Variants in KCNIP4 observed in about 807,000 individuals in gnomAD.
The protein encoded by KCNIP4 is potassium voltage-gated channel interacting protein 4.
KCNIP4 carries 12 observed loss-of-function variants against 34.0 expected under a neutral mutation model. That is an observed-to-expected ratio of 0.35 (90% CI 0.23 to 0.57). The LOEUF is 0.57. KCNIP4 is among the 20% of genes least tolerant of loss of function. KCNIP4 has a pLI of 0.83. For missense variants in KCNIP4, 238 were observed against 311.7 expected (o/e 0.76, Z 1.78); for synonymous variants, 124 against 102.2 (o/e 1.21, Z -1.29).
At chr4:21,049,669 C>G (rs1048318306) in intron 1 of KCNIP4, among the ~76,000 whole-genome samples, 7 of 152,172 alleles carry the variant, frequency 4.6e-5, no homozygotes, top group Non-Finnish European at 8.8e-5. Context: ...CTCAGGACAC[C>G]TGATTACTTC....
At chr4:21,644,444 T>C (rs1033490827) in intron 1 of KCNIP4, among the ~76,000 whole-genome samples, 4 of 152,198 alleles carry the variant, frequency 2.6e-5, no homozygotes, top group Admixed American at 1.3e-4. Context: ...TAGATCCAAA[T>C]TGTAGACAAA....
intron 1 of KCNIP4, among the ~76,000 whole-genome samples, chr4:21,273,155 T>C (rs915532638): frequency 3.3e-5 from 5 of 152,138 alleles, no homozygotes; most frequent in Admixed American, 6.6e-5. Context: ...AATAAACATA[T>C]CCTTATCAAT....
chr4:21,057,120 T>A (rs183751749), intron 1 of KCNIP4, among the ~76,000 whole-genome samples: 3 of 152,112 alleles, frequency 2.0e-5, no homozygotes, highest in Non-Finnish European at 4.4e-5. Flanking sequence ...GTGCCCAAAT[T>A]GTAAATGTAG....
intron 1 of KCNIP4, among the ~76,000 whole-genome samples, chr4:21,130,713 G>T (rs1283897781): frequency 3.9e-5 from 6 of 152,154 alleles, no homozygotes; most frequent in Admixed American, 3.9e-4. Context: ...TTACAAATTT[G>T]CCCTATAACT....
chr4:21,073,077 C>T (rs1303722234), intron 1 of KCNIP4, among the ~76,000 whole-genome samples: 1 of 152,116 alleles, frequency 6.6e-6, no homozygotes, highest in Non-Finnish European at 1.5e-5. Context: ...AGTCAGGTAG[C>T]ATGATGCTTC....
At chr4:21,718,817 T>C (rs148247828) in intron 1 of KCNIP4, 3 of 151,962 alleles carry the variant, frequency 2.0e-5, no homozygotes, top group African/African-American at 7.2e-5. Context: ...AATAAGAAAA[T>C]GAGGTGATTA....
intron 1 of KCNIP4, among the ~76,000 whole-genome samples, chr4:20,963,288 C>A (rs1037571939): frequency 1.3e-5 from 2 of 151,570 alleles, no homozygotes; most frequent in African/African-American, 4.8e-5. Context: ...AATTGCACCA[C>A]TGCACTCCAG....
At chr4:21,345,779 C>A (rs997921882) in intron 1 of KCNIP4, among the ~76,000 whole-genome samples, 1 of 151,936 alleles carries the variant, frequency 6.6e-6, no homozygotes, top group East Asian at 1.9e-4. Context: ...AGCTAACAAC[C>A]ATCTCCTTAA....
chr4:21,849,640 T>A (rs1724245962), intron 1 of KCNIP4: 1 of 152,208 alleles, frequency 6.6e-6, no homozygotes, highest in East Asian at 1.9e-4. Flanking sequence ...TACAAAATGA[T>A]GGCAATAATT....
At chr4:21,832,569 GTTTTTATTT>G (rs1211283434) in intron 1 of KCNIP4, among the ~76,000 whole-genome samples, 9 of 94,382 alleles carry the variant, frequency 9.5e-5, no homozygotes, top group Admixed American at 2.9e-4. Flanking sequence ...ATTCTTTTTT[GTTTTTATTT>G]TTTTTATTTT....
At chr4:21,324,090 G>A (rs1355057134) in intron 1 of KCNIP4, among the ~76,000 whole-genome samples, 1 of 151,884 alleles carries the variant, frequency 6.6e-6, no homozygotes, top group Non-Finnish European at 1.5e-5. Context: ...CTTTTAAGGT[G>A]TATTATCAGA....
intron 1 of KCNIP4, among the ~76,000 whole-genome samples, chr4:21,226,339 A>G (rs557169421): frequency 1.4e-5 from 2 of 143,354 alleles, no homozygotes; most frequent in South Asian, 4.8e-4. Context: ...AAGGAAGGGA[A>G]GGAAGAGAAG....
intron 3 of KCNIP4, among the ~76,000 whole-genome samples, chr4:20,843,105 G>T (rs548608677): frequency 6.6e-6 from 1 of 151,752 alleles, no homozygotes; most frequent in Non-Finnish European, 1.5e-5. Flanking sequence ...ATGGGGTTTC[G>T]CCATGTTGGC....
intron 1 of KCNIP4, among the ~76,000 whole-genome samples, chr4:20,924,641 AG>A (rs544109801): frequency 5.8e-4 from 89 of 152,322 alleles, no homozygotes; most frequent in Non-Finnish European, 1.0e-3. Context: ...CTCATTAGTA[AG>A]CATATATGTC....
chr4:20,955,558 C>T (rs1361695150), intron 1 of KCNIP4, among the ~76,000 whole-genome samples: 1 of 152,068 alleles, frequency 6.6e-6, no homozygotes, highest in East Asian at 1.9e-4. Flanking sequence ...CTTGAGCACT[C>T]TTTCAACTTG....
intron 1 of KCNIP4, among the ~76,000 whole-genome samples, chr4:21,286,684 T>C (rs1453178296): frequency 1.3e-5 from 2 of 152,226 alleles, no homozygotes; most frequent in East Asian, 3.9e-4. Context: ...CTTGTGCTTT[T>C]CATCTGTTAT....
chr4:21,239,685 C>T (rs1283665744), intron 1 of KCNIP4, among the ~76,000 whole-genome samples: 2 of 152,164 alleles, frequency 1.3e-5, no homozygotes, highest in Non-Finnish European at 2.9e-5. Context: ...TACCATCTCA[C>T]AGTAGTTAGA....
intron 1 of KCNIP4, among the ~76,000 whole-genome samples, chr4:21,173,024 C>G (rs1754127386): frequency 6.6e-6 from 1 of 152,184 alleles, no homozygotes; most frequent in Admixed American, 6.5e-5. Flanking sequence ...ATCACTGACA[C>G]TGTTTTTCTT....
intron 1 of KCNIP4, among the ~76,000 whole-genome samples, chr4:21,039,376 GA>G (rs34620206): frequency 0.46 from 56,140 of 121,014 alleles, 12,316 homozygotes; most frequent in African/African-American, 0.68. Flanking sequence ...TCTCAAAAAA[GA>G]AAAAAAAAAA....
Sources: allele counts gnomAD v4.1 joint callset (sites outside exome capture counted in the v4.1 genomes callset), GRCh38; gene constraint gnomAD v4.1.1; transcripts MANE v1.5; gene names NCBI Gene and HGNC (gene_info 2026-07-23, HGNC 2026-07-21).